OPN3: variants seen among roughly 807,000 people sequenced by gnomAD.
OPN3 encodes the protein opsin 3.
In OPN3, 29 loss-of-function variants were observed where a neutral mutation model predicts 33.8. That is an observed-to-expected ratio of 0.86 (90% confidence interval 0.64 to 1.17). The LOEUF (loss-of-function observed/expected upper bound fraction) is 1.17. Ranked by LOEUF, OPN3 falls within the 50% of genes most tolerant of loss-of-function variation. The probability of loss-of-function intolerance (pLI) is 0.00; values close to 1 mark genes in which losing one functional copy is unlikely to be tolerated. For synonymous variants in OPN3, 216 were observed against 216.1 expected, an observed-to-expected ratio of 1.00 and a Z score of 0.00; for missense variants, 437 against 514.1, an observed-to-expected ratio of 0.85 and a Z score of 1.45.
chr1:241,602,748 A>G (rs1297825398), intron 2 of OPN3, among the ~76,000 whole-genome samples: 2 of 152,156 alleles, frequency 1.3e-5, no homozygotes, highest in South Asian at 4.2e-4. Flanking sequence ...CCCCATCCTC[A>G]TGACCTCCTC....
intron 1 of OPN3, among the ~76,000 whole-genome samples, chr1:241,623,767 G>A (rs1664331090): frequency 6.6e-6 from 1 of 151,962 alleles, no homozygotes; most frequent in African/African-American, 2.4e-5. Context: ...CATTCCCTTT[G>A]CTCTGCCCTA....
In OPN3 at chr1:241,640,119, G is replaced by A. The variant is rs1390831977; in HGVS notation, c.136C>T (p.Leu46=). 1 of 1,600,924 alleles carries A rather than the reference G, an allele frequency of 6.2e-7. No individual in the cohort carries two copies. The highest frequency in any genetic ancestry group is 1.7e-5 in the Admixed American group (1 of 58,516). ...FSPGTYERLA[L]LLGSIGLLGV... ...AGCAGCCCAATGGAGCCCAGCAGCA[G>A]CGCCAGGCGCTCGTAGGTGCCGGGG... Residue 46 remains leucine (L), a synonymous_variant, in exon 1 of 4, where the codon CTG becomes TTG. Coordinates refer to ENST00000366554, the MANE Select transcript of OPN3 (RefSeq NM_014322.3).
chr1:241,637,862 T>G (rs567855998), intron 1 of OPN3, among the ~76,000 whole-genome samples: 1 of 152,274 alleles, frequency 6.6e-6, no homozygotes, highest in East Asian at 1.9e-4. Context: ...AGGGCAAGCC[T>G]CTCCAAAAGC....
intron 1 of OPN3, chr1:241,634,083 T>C (rs1030083393): frequency 3.7e-6 from 6 of 1,611,582 alleles, no homozygotes; most frequent in African/African-American, 1.3e-5. Flanking sequence ...CTTCTGCTGA[T>C]TCCCGAGGAA....
At chr1:241,622,459 A>G (rs527449509) in intron 1 of OPN3, among the ~76,000 whole-genome samples, 1 of 152,210 alleles carries the variant, frequency 6.6e-6, no homozygotes, top group East Asian at 1.9e-4. Context: ...TACTTGTTTG[A>G]TTCCCTCTTA....
intron 1 of OPN3, among the ~76,000 whole-genome samples, chr1:241,623,813 G>A (rs972045956): frequency 9.2e-5 from 14 of 152,118 alleles, no homozygotes; most frequent in Admixed American, 1.3e-4. Flanking sequence ...CTTGCCTCCA[G>A]TATCCACATC....
At position 241,593,428 on chromosome 1, in the gene OPN3, A is replaced by C. The variant is rs1481134706; in HGVS notation, c.*1000T>G. On this transcript the variant is annotated 3_prime_UTR_variant, in exon 4 of 4. Coordinates refer to ENST00000366554, the MANE Select transcript of OPN3 (RefSeq NM_014322.3). Reference sequence around the variant, plus strand: ...TATGAAGATGAAACACTAGAGTCATATAAGAAATAAAAATTGGGCAATAAA... The same window carrying C: ...TATGAAGATGAAACACTAGAGTCATCTAAGAAATAAAAATTGGGCAATAAA... The C allele has an allele frequency of 2.6e-6, 1 of 380,212 alleles. No individual in the cohort carries two copies. The highest frequency in any genetic ancestry group is 7.5e-5 in the East Asian group (1 of 13,362). The allele number at this position is 380,212 out of a possible 1,614,324, so 23.6% of individuals were successfully genotyped here. A position where few individuals can be genotyped will look rare whatever the true frequency, so the allele number is the denominator to read the frequency against.
chr1:241,609,828 T>G (rs973789803), intron 1 of OPN3, among the ~76,000 whole-genome samples: 1 of 152,180 alleles, frequency 6.6e-6, no homozygotes, highest in African/African-American at 2.4e-5. Context: ...CTCTGGGGTG[T>G]GGAGCCAGGA....
At chr1:241,635,913 A>C in intron 1 of OPN3, 3 of 731,334 alleles carry the variant, frequency 4.1e-6, no homozygotes, top group Non-Finnish European at 6.6e-6. Flanking sequence ...TACCCTTTTA[A>C]AATATTTTTT....
chr1:241,616,180 T>A (rs1313606845), intron 1 of OPN3, among the ~76,000 whole-genome samples: 1 of 152,184 alleles, frequency 6.6e-6, no homozygotes, highest in Non-Finnish European at 1.5e-5. Context: ...TCTTCCTCTA[T>A]TCCCTTACTT....
At chr1:241,637,640 T>G (rs752017783) in intron 1 of OPN3, among the ~76,000 whole-genome samples, 3 of 152,160 alleles carry the variant, frequency 2.0e-5, no homozygotes, top group Non-Finnish European at 4.4e-5. Context: ...ATCAGGCACG[T>G]TCTAACCTAC....
chr1:241,608,970 T>C lies in OPN3; in HGVS notation c.374-4391A>G, dbSNP rs950162070. 2.0e-5 allele frequency among the ~76,000 whole-genome samples: 3 copies of C among 152,218 alleles called. No homozygotes were observed. The South Asian group carries it at 6.2e-4, about 32-fold the overall frequency. ...CTTCTCCCATCAATGCTTTATTTAC[T>C]AACAAATTTTGGTCTTGAGTTGGAA... On this transcript the variant is annotated intron_variant, in intron 1 of 3. Transcript: ENST00000366554.
intron 2 of OPN3, among the ~76,000 whole-genome samples, chr1:241,599,541 C>T (rs9428885): frequency 0.028 from 4,272 of 152,130 alleles, 186 homozygotes; most frequent in African/African-American, 0.098. Context: ...TTTGCACCAA[C>T]CGAATACTAC....
chr1:241,634,488 G>C, intron 1 of OPN3: 1 of 1,613,696 alleles, frequency 6.2e-7, no homozygotes, highest in Non-Finnish European at 8.5e-7. Flanking sequence ...TTTATTCTTT[G>C]ACCAAAGTGA....
At chr1:241,633,614 T>G in intron 1 of OPN3, 1 of 656,900 alleles carries the variant, frequency 1.5e-6, no homozygotes, top group Non-Finnish European at 2.6e-6. Flanking sequence ...AATCAATAAA[T>G]CACTCATTGA....
chr1:241,601,735 A>G lies in OPN3; in HGVS notation c.693+2525T>C, dbSNP rs192895468. 1.4e-3 allele frequency among the ~76,000 whole-genome samples: 212 copies of G among 152,126 alleles called. 1 individual carries two copies. The highest frequency in any genetic ancestry group is 9.6e-4 in the Non-Finnish European group (65 of 67,998). ...AAACAAAACAAAACAAAACAAACAA[A>G]CAAACAGAAACAAAACGAAACAAAA... On this transcript the variant is annotated intron_variant, in intron 2 of 3. Transcript: ENST00000366554.
intron 1 of OPN3, among the ~76,000 whole-genome samples, chr1:241,605,223 G>T (rs1025622539): frequency 6.6e-6 from 1 of 152,036 alleles, no homozygotes; most frequent in South Asian, 2.1e-4. Flanking sequence ...AGTCACTAGA[G>T]CAAGTGTCTC....
intron 1 of OPN3, among the ~76,000 whole-genome samples, chr1:241,620,156 A>G (rs10926525): frequency 0.21 from 32,424 of 152,002 alleles, 3,844 homozygotes; most frequent in Non-Finnish European, 0.27. Flanking sequence ...AAAATAATCA[A>G]TCTGAAAATT....
rs1053406672 is a variant in OPN3, at chr1:241,593,341, T to C, written c.*1087A>G. ...AAAGCACATTTAGTGAAATGTTTTC[T>C]TTGGTTCATCCTTCTTTAACAGGCT... On this transcript the variant is annotated 3_prime_UTR_variant, in exon 4 of 4. Transcript: ENST00000366554. 9 of 430,170 alleles carry C rather than the reference T, an allele frequency of 2.1e-5. No homozygotes were observed. The highest frequency in any genetic ancestry group is 1.8e-4 in the African/African-American group (9 of 49,862). 26.6% of individuals were successfully genotyped at this position (430,170 alleles called of 1,614,324 possible). A position where few individuals can be genotyped will look rare whatever the true frequency, so the allele number is the denominator to read the frequency against.
Sources: allele counts gnomAD v4.1 joint callset (sites outside exome capture counted in the v4.1 genomes callset), GRCh38; gene constraint gnomAD v4.1.1; transcripts MANE v1.5; gene names NCBI Gene and HGNC (gene_info 2026-07-23, HGNC 2026-07-21).